C12orf42: variants seen among roughly 807,000 people sequenced by gnomAD.
The protein encoded by C12orf42 is uncharacterized protein C12orf42.
C12orf42 carries 25 observed loss-of-function variants against 21.6 expected under a neutral mutation model. The observed-to-expected ratio is 1.16, with a 90% CI of 0.84 to 1.62. The LOEUF is 1.62. Ranked by LOEUF, C12orf42 falls within the 40% of genes most tolerant of loss-of-function variation. The pLI, the probability that C12orf42 is intolerant of heterozygous loss-of-function variation, is 0.00. For missense variants in C12orf42, 483 were observed against 459.3 expected, an observed-to-expected ratio of 1.05 and a Z score of -0.47; for synonymous variants, 174 against 175.0, an observed-to-expected ratio of 0.99 and a Z score of 0.05.
intron 4 of C12orf42, among the ~76,000 whole-genome samples, chr12:103,361,060 G>A (rs1037090383): frequency 6.6e-6 from 1 of 152,064 alleles, no homozygotes; most frequent in Non-Finnish European, 1.5e-5. Context: ...GACAGACAGA[G>A]CAGCATGTGG....
chr12:103,415,209 T>C (rs2049204685), intron 2 of C12orf42, among the ~76,000 whole-genome samples: 1 of 152,038 alleles, frequency 6.6e-6, no homozygotes, highest in African/African-American at 2.4e-5. Context: ...AAAGGTACAA[T>C]CTAATAAGAA....
the C12orf42 span, chr12:103,164,457 G>A: frequency 0.093 from 42,538 of 455,418 alleles, 2,800 homozygotes; most frequent in East Asian, 0.31. Flanking sequence ...GAGCAAATAG[G>A]TGCTGGACGA....
At chr12:103,172,309 G>A in the C12orf42 span, among the ~76,000 whole-genome samples, 2 of 152,118 alleles carry the variant, frequency 1.3e-5, no homozygotes, top group Non-Finnish European at 2.9e-5. Context: ...TAGCTCATGA[G>A]TACGTGGTGA....
At chr12:103,496,134 G>A (rs1955535908), upstream of C12orf42, 1 of 152,302 alleles carries the variant, frequency 6.6e-6, no homozygotes, top group South Asian at 2.1e-4. Context: ...ACGACTCCAA[G>A]CACTGGGGAA....
At chr12:103,437,484 T>A (rs1284530266) in intron 2 of C12orf42, among the ~76,000 whole-genome samples, 3 of 151,518 alleles carry the variant, frequency 2.0e-5, no homozygotes, top group African/African-American at 7.3e-5. Context: ...TTTGAAAGGA[T>A]CAATAAAATT....
the C12orf42 span, among the ~76,000 whole-genome samples, chr12:103,507,980 G>C: frequency 1.3e-5 from 2 of 152,080 alleles, no homozygotes; most frequent in Non-Finnish European, 2.9e-5. Context: ...TGAGAGGGCT[G>C]GGCATTGGAT....
chr12:103,088,793 C>CT, the C12orf42 span, among the ~76,000 whole-genome samples: 7 of 152,132 alleles, frequency 4.6e-5, no homozygotes, highest in Non-Finnish European at 8.8e-5. Flanking sequence ...TGGAGAGATC[C>CT]GTGCAGTGAG....
intron 2 of C12orf42, among the ~76,000 whole-genome samples, chr12:103,434,796 A>G (rs1592791431): frequency 6.6e-6 from 1 of 152,210 alleles, no homozygotes; most frequent in African/African-American, 2.4e-5. Flanking sequence ...TCTGAGATCA[A>G]ACTGCAAGGC....
chr12:103,175,638 C>A, the C12orf42 span, among the ~76,000 whole-genome samples: 1 of 152,200 alleles, frequency 6.6e-6, no homozygotes, highest in Non-Finnish European at 1.5e-5. Flanking sequence ...TTACACTCCA[C>A]TTTCAACCTC....
At chr12:103,474,523 T>G (rs1357893384) in intron 2 of C12orf42, among the ~76,000 whole-genome samples, 1 of 151,872 alleles carries the variant, frequency 6.6e-6, no homozygotes, top group Non-Finnish European at 1.5e-5. Context: ...TCATCAAAAA[T>G]CCATGTGGAA....
chr12:103,510,503 T>C, the C12orf42 span, among the ~76,000 whole-genome samples: 10 of 151,920 alleles, frequency 6.6e-5, no homozygotes, highest in Non-Finnish European at 1.5e-4. Flanking sequence ...CAAAAACCTA[T>C]AGAAATAAAA....
rs11111599 is a variant in C12orf42, at chr12:103,474,460, G to A, written c.78+3889C>T. Among the ~76,000 whole-genome samples the A allele has an allele frequency of 2.1e-3, 232 of 111,632 alleles. 1 individual carries two copies. The highest frequency in any genetic ancestry group is 3.6e-3 in the African/African-American group (90 of 25,130). The allele number at this position is 111,632 out of a possible 152,430, so 73.2% of individuals were successfully genotyped here. ...TGTATACATGTATGTATGTATGTGT[G>A]TGTGTGTGTGTGTGTGTGTGTATAA... On this transcript the variant is annotated intron_variant, in intron 2 of 5. Transcript: ENST00000548883.
intron 5 of C12orf42, among the ~76,000 whole-genome samples, chr12:103,303,815 G>A (rs2038001084): frequency 6.6e-6 from 1 of 152,192 alleles, no homozygotes; most frequent in Non-Finnish European, 1.5e-5. Flanking sequence ...ATATCTCCAA[G>A]TAAATGAAAA....
intron 3 of C12orf42, among the ~76,000 whole-genome samples, chr12:103,388,893 G>A (rs143089836): frequency 7.2e-4 from 109 of 152,318 alleles, no homozygotes; most frequent in African/African-American, 2.4e-3. Flanking sequence ...GGCAGCCAGG[G>A]GTAGCCTTGG....
the C12orf42 span, among the ~76,000 whole-genome samples, chr12:103,200,534 G>T: frequency 6.6e-6 from 1 of 152,130 alleles, no homozygotes; most frequent in Non-Finnish European, 1.5e-5. Context: ...TAGAGGTGAT[G>T]GATAGTTTAA....
the C12orf42 span, among the ~76,000 whole-genome samples, chr12:103,159,260 T>G: frequency 6.6e-6 from 1 of 152,218 alleles, no homozygotes; most frequent in African/African-American, 2.4e-5. Context: ...CTTTACCTCT[T>G]GCCCACAGTC....
intron 2 of C12orf42, among the ~76,000 whole-genome samples, chr12:103,445,198 G>A (rs1951501586): frequency 6.6e-6 from 1 of 152,050 alleles, no homozygotes; most frequent in Non-Finnish European, 1.5e-5. Flanking sequence ...TCTCCAGGTA[G>A]ATGATGTCAG....
At chr12:103,218,490 T>C in the C12orf42 span, among the ~76,000 whole-genome samples, 2,025 of 152,252 alleles carry the variant, frequency 0.013, 56 homozygotes, top group African/African-American at 0.046. Context: ...GGGATTTGAA[T>C]TGGTGCCACT....
chr12:103,542,896 T>C, the C12orf42 span, among the ~76,000 whole-genome samples: 2 of 152,202 alleles, frequency 1.3e-5, no homozygotes, highest in South Asian at 4.1e-4. Context: ...AGAAAGACAC[T>C]GAGAAGACAC....
Sources: gnomAD v4.1 joint callset for allele counts (sites outside exome capture counted in the v4.1 genomes callset) on GRCh38, gnomAD v4.1.1 for gene constraint, MANE v1.5 for transcripts, NCBI Gene and HGNC (gene_info 2026-07-23, HGNC 2026-07-21) for gene names.